Variants in CSRNP3 observed in about 807,000 individuals in gnomAD.
CSRNP3 encodes the protein cysteine and serine rich nuclear protein 3.
A neutral mutation model predicts 48.0 loss-of-function variants in CSRNP3; 12 were observed. That is an observed-to-expected ratio of 0.25 (90% CI 0.16 to 0.41). CSRNP3 has a LOEUF of 0.41. Ranked by LOEUF, CSRNP3 falls within the 10% of genes least tolerant of loss-of-function variation. The pLI, the probability that CSRNP3 is intolerant of heterozygous loss-of-function variation, is 1.00. For missense variants in CSRNP3, 580 were observed against 724.4 expected (o/e 0.80, Z 2.29); for synonymous variants, 263 against 269.7 (o/e 0.98, Z 0.24).
chr2:165,604,168 C>T (rs1429886958), intron 4 of CSRNP3, among the ~76,000 whole-genome samples: 1 of 152,204 alleles, frequency 6.6e-6, no homozygotes, highest in Non-Finnish European at 1.5e-5. Flanking sequence ...CCAGTTTCTG[C>T]AGAAACTCAC....
intron 4 of CSRNP3, among the ~76,000 whole-genome samples, chr2:165,649,272 A>C (rs1391996823): frequency 2.0e-5 from 3 of 152,190 alleles, no homozygotes; most frequent in Non-Finnish European, 2.9e-5. Context: ...ATTTAAACAA[A>C]AGAGTCTTGT....
In CSRNP3 at chr2:165,680,076, C is replaced by T. The variant is rs972876093; in HGVS notation, c.*323C>T. On this transcript the variant is annotated 3_prime_UTR_variant, in exon 7 of 7. Coordinates refer to ENST00000651982, the MANE Select transcript of CSRNP3 (RefSeq NM_001172173.2). ...ATCAGAGCTCCAAATTTTGGATTAT[C>T]GGGCCTGTGCAAGATTGTTAACTAA... 3.7e-5 allele frequency: 8 copies of T among 219,086 alleles called. No individual in the cohort carries two copies. Among genetic ancestry groups the T allele is most frequent in the African/African-American group, 5.2e-5 (2 of 38,244 alleles). The allele number at this position is 219,086 out of a possible 1,614,324, so 13.6% of individuals were successfully genotyped here.
intron 3 of CSRNP3, among the ~76,000 whole-genome samples, chr2:165,567,802 G>T (rs11885110): frequency 6.6e-6 from 1 of 151,652 alleles, no homozygotes; most frequent in African/African-American, 2.4e-5. Flanking sequence ...TGTCCACTGC[G>T]TACTTTATTT....
chr2:165,551,925 G>A (rs1198501105), intron 3 of CSRNP3, among the ~76,000 whole-genome samples: 1 of 152,168 alleles, frequency 6.6e-6, no homozygotes, highest in Non-Finnish European at 1.5e-5. Flanking sequence ...CAATAAATAT[G>A]AAAAGTGTGA....
chr2:165,668,635 C>T lies in CSRNP3; in HGVS notation c.409-7677C>T, dbSNP rs1036952224. 3.3e-5 allele frequency among the ~76,000 whole-genome samples: 5 copies of T among 151,978 alleles called. No individual in the cohort carries two copies. In the East Asian group the frequency reaches 5.8e-4, roughly 18 times the overall value. ...CAGTCTGGTCTTGAACCCCTGAGCT[C>T]GTTATCTGCCTGCTTCAGCCTCCCA... On this transcript the variant is annotated intron_variant, in intron 5 of 6. Coordinates refer to ENST00000651982, the MANE Select transcript of CSRNP3 (RefSeq NM_001172173.2).
intron 4 of CSRNP3, among the ~76,000 whole-genome samples, chr2:165,612,553 A>AT (rs1686156396): frequency 6.6e-6 from 1 of 151,974 alleles, no homozygotes; most frequent in Non-Finnish European, 1.5e-5. Context: ...TTATCTATTC[A>AT]TCAACGTCTT....
At chr2:165,521,173 C>CAAAAAAAAAAAAAA (rs1348766008) in intron 3 of CSRNP3, among the ~76,000 whole-genome samples, 27 of 135,548 alleles carry the variant, frequency 2.0e-4, no homozygotes, top group Non-Finnish European at 3.0e-4. Context: ...ATGGGAAAGC[C>CAAAAAAAAAAAAAA]AAAAAAAAAA....
intron 4 of CSRNP3, among the ~76,000 whole-genome samples, chr2:165,639,483 A>C (rs1686690880): frequency 6.6e-6 from 1 of 152,224 alleles, no homozygotes; most frequent in African/African-American, 2.4e-5. Flanking sequence ...GGTTATATAC[A>C]CGGCTGAGTA....
At chr2:165,646,509 T>A (rs767497708) in intron 4 of CSRNP3, among the ~76,000 whole-genome samples, 19 of 152,164 alleles carry the variant, frequency 1.2e-4, no homozygotes, top group Non-Finnish European at 1.6e-4. Context: ...ATGGTGGTAT[T>A]GAGAAAATGT....
intron 4 of CSRNP3, among the ~76,000 whole-genome samples, chr2:165,610,998 A>G (rs1016223753): frequency 1.3e-5 from 2 of 152,182 alleles, no homozygotes; most frequent in Non-Finnish European, 2.9e-5. Context: ...AGTAAAGACC[A>G]AGGCAGATAA....
chr2:165,660,115 A>G (rs1001041382), intron 5 of CSRNP3, among the ~76,000 whole-genome samples: 1 of 152,206 alleles, frequency 6.6e-6, no homozygotes, highest in African/African-American at 2.4e-5. Context: ...CTCTTCTGAA[A>G]TCCACCCTCT....
rs77442258 is a variant in CSRNP3 at position 165,483,436 on chromosome 2, A to G, written c.-282-11323A>G. Among the ~76,000 whole-genome samples, 924 of 152,358 alleles carry G rather than the reference A, an allele frequency of 6.1e-3. 5 individuals carry two copies. The highest frequency in any genetic ancestry group is 0.019 in the African/African-American group (801 of 41,582). On this transcript the variant is annotated intron_variant, in intron 1 of 6. Coordinates refer to ENST00000651982, the MANE Select transcript of CSRNP3 (RefSeq NM_001172173.2). ...GCTAATACAGTTGTTTCTTGTAACAATAGCATAAAAATTAATAACTTACAA... is the reference window on the plus strand; with the variant it reads ...GCTAATACAGTTGTTTCTTGTAACAGTAGCATAAAAATTAATAACTTACAA...
intron 3 of CSRNP3, among the ~76,000 whole-genome samples, chr2:165,577,334 A>G (rs994140987): frequency 6.6e-6 from 1 of 151,868 alleles, no homozygotes; most frequent in South Asian, 2.1e-4. Context: ...AATTATAAGA[A>G]CAATAAAATT....
In CSRNP3 at chr2:165,679,306, C is replaced by T. The variant is rs201189521; in HGVS notation, c.1311C>T (p.Tyr437=). 3 of 1,613,802 alleles carry T rather than the reference C, an allele frequency of 1.9e-6. No homozygotes were observed. Among genetic ancestry groups the T allele is most frequent in the Non-Finnish European group, 2.5e-6 (3 of 1,179,906 alleles). The part of the protein sequence containing the change: ...SFYANSSTLY[Y]QIDSHIPGTP... Reference sequence around the variant, plus strand: ...ATGCCAACTCTTCAACTCTGTATTACCAAATAGATAGCCACATTCCAGGAA... The same window carrying T: ...ATGCCAACTCTTCAACTCTGTATTATCAAATAGATAGCCACATTCCAGGAA... Residue 437 remains tyrosine (Y), a synonymous_variant, in exon 7 of 7, where the codon TAC becomes TAT. Coordinates refer to ENST00000651982, the MANE Select transcript of CSRNP3 (RefSeq NM_001172173.2).
At chr2:165,667,979 A>T (rs1025178499) in intron 5 of CSRNP3, among the ~76,000 whole-genome samples, 2 of 152,250 alleles carry the variant, frequency 1.3e-5, no homozygotes, top group African/African-American at 4.8e-5. Flanking sequence ...TATTCATTTT[A>T]AAAATGTATT....
Position 165,557,611 on chromosome 2 carries a change from C to CA in CSRNP3, c.-23-37431dup, listed in dbSNP as rs561196940. 5.4e-4 allele frequency among the ~76,000 whole-genome samples: 82 copies of CA among 152,294 alleles called. No individual in the cohort carries two copies. The South Asian group carries it at 0.014, about 26-fold the overall frequency. On this transcript the variant is annotated intron_variant, in intron 3 of 6. Coordinates refer to ENST00000651982, the MANE Select transcript of CSRNP3 (RefSeq NM_001172173.2). Reference sequence around the variant, plus strand: ...AGGAGAAAGAGGAGGGAGCTCCCCCCACAACCATATATACCCCACACTCTT... The same window carrying CA: ...AGGAGAAAGAGGAGGGAGCTCCCCCCAACAACCATATATACCCCACACTCTT...
intron 1 of CSRNP3, among the ~76,000 whole-genome samples, chr2:165,483,969 C>G (rs1684080994): frequency 6.6e-6 from 1 of 151,834 alleles, no homozygotes; most frequent in Non-Finnish European, 1.5e-5. Context: ...CCATAGCATT[C>G]TATTGAATAA....
chr2:165,520,784 T>TATATAC (rs1491115348), intron 3 of CSRNP3, among the ~76,000 whole-genome samples: 978 of 2,992 alleles, frequency 0.33, 28 homozygotes, highest in Non-Finnish European at 0.37. Context: ...ATATATATAT[T>TATATAC]ATATATATAT....
chr2:165,640,894 C>G (rs749651479), intron 4 of CSRNP3, among the ~76,000 whole-genome samples: 1 of 152,096 alleles, frequency 6.6e-6, no homozygotes, highest in Non-Finnish European at 1.5e-5. Context: ...ATAGTTTTAC[C>G]TATTTAAACT....
Sources: gnomAD v4.1 joint callset for allele counts (sites outside exome capture counted in the v4.1 genomes callset) on GRCh38, gnomAD v4.1.1 for gene constraint, MANE v1.5 for transcripts, NCBI Gene and HGNC (gene_info 2026-07-23, HGNC 2026-07-21) for gene names.